COPB2: variants seen among roughly 807,000 people sequenced by gnomAD.
COPB2 encodes the protein coatomer subunit beta'.
In COPB2, 16 loss-of-function variants were observed where a neutral mutation model predicts 120.8. The ratio of observed to expected loss-of-function variants is 0.13; its 90% CI spans 0.09 to 0.20. The LOEUF is 0.20. COPB2 is among the 10% of genes least tolerant of loss of function. The probability of loss-of-function intolerance (pLI) is 1.00; values close to 1 mark genes in which losing one functional copy is unlikely to be tolerated. For missense variants in COPB2, 794 were observed against 1,076.5 expected (o/e 0.74, Z 3.67); for synonymous variants, 332 against 366.3 (o/e 0.91, Z 1.07).
chr3:139,362,341 A>G, intron 16 of COPB2, 66 bp downstream of exon 16: 1 of 1,132,104 alleles, frequency 8.8e-7, no homozygotes, highest in Non-Finnish European at 1.3e-6. Flanking sequence ...AAAACATTAC[A>G]CCAAACACAT....
rs1416747176 is a variant in COPB2, at chr3:139,359,194, T to C, written c.2304-16A>G. ...TTTCACTACCCTATTATAGACATCA[T>C]GGAACCAAAGAGAGACTAAGTAAAT... On this transcript the variant is annotated splice_polypyrimidine_tract_variant and intron_variant, in intron 18 of 21. Coordinates refer to ENST00000333188, the MANE Select transcript of COPB2 (RefSeq NM_004766.3). 6.2e-7 allele frequency: 1 copy of C among 1,612,438 alleles called. No homozygotes were observed. Among genetic ancestry groups the C allele is most frequent in the Admixed American group, 1.7e-5 (1 of 59,718 alleles).
intron 16 of COPB2, among the ~76,000 whole-genome samples, chr3:139,361,516 C>T (rs1201328493): frequency 1.3e-5 from 2 of 151,438 alleles, no homozygotes; most frequent in Non-Finnish European, 2.9e-5. Context: ...TAATGATGTG[C>T]AAATAATTAT....
intron 3 of COPB2, 26 bp from the exon 4 acceptor site, chr3:139,379,199 C>T (rs747516754): frequency 6.3e-7 from 1 of 1,580,274 alleles, no homozygotes; most frequent in South Asian, 1.2e-5. Context: ...TTAAAACCAT[C>T]ATCCCTGTTA....
intron 15 of COPB2, among the ~76,000 whole-genome samples, chr3:139,364,970 A>C (rs1393435218): frequency 6.6e-6 from 1 of 152,246 alleles, no homozygotes; most frequent in Non-Finnish European, 1.5e-5. Context: ...AAACAGAAAT[A>C]TATCATTCAT....
intron 1 of COPB2, among the ~76,000 whole-genome samples, chr3:139,384,420 C>T (rs1235125618): frequency 1.3e-5 from 2 of 152,242 alleles, no homozygotes; most frequent in East Asian, 1.9e-4. Flanking sequence ...TTTCAAAATT[C>T]GAACTTTCAC....
intron 14 of COPB2, 78 bp from the exon 15 acceptor site, chr3:139,366,853 G>T: frequency 6.6e-7 from 1 of 1,511,466 alleles, no homozygotes; most frequent in African/African-American, 1.4e-5. Flanking sequence ...TCTCCCTCTT[G>T]CTCAAAACCT....
In COPB2 at chr3:139,378,106, G is replaced by A; in HGVS notation, c.439C>T (p.Gln147Ter). ...TTATCTTTGGGGTTGATCACAATCTGCATAACATAATGGGTGTGTCCTTCA... is the reference window on the plus strand; with the variant it reads ...TTATCTTTGGGGTTGATCACAATCTACATAACATAATGGGTGTGTCCTTCA... ...VFEGHTHYVM[Q>*]IVINPKDNNQ... is the part of the protein sequence containing the mutation. Residue 147 changes from glutamine to a stop codon, truncating the protein, a stop_gained, in exon 5 of 22, where the codon CAG becomes TAG. Coordinates refer to ENST00000333188, the MANE Select transcript of COPB2 (RefSeq NM_004766.3). LOFTEE classifies it high-confidence loss of function. 2 of 1,592,880 alleles carry A rather than the reference G, an allele frequency of 1.3e-6. No homozygotes were observed. Among genetic ancestry groups the A allele is most frequent in the Non-Finnish European group, 1.7e-6 (2 of 1,164,566 alleles).
intron 5 of COPB2, 39 bp downstream of exon 5, chr3:139,378,002 A>G (rs371862913): frequency 7.4e-6 from 11 of 1,488,812 alleles, no homozygotes; most frequent in African/African-American, 1.4e-5. Flanking sequence ...AGTATAGTTC[A>G]CTAATAATGA....
intron 1 of COPB2, among the ~76,000 whole-genome samples, chr3:139,388,810 T>C (rs1941988397): frequency 7.4e-6 from 1 of 135,572 alleles, no homozygotes; most frequent in Non-Finnish European, 1.6e-5. Context: ...TTTTTTTTTT[T>C]GCATTTTCAA....
At chr3:139,376,950 C>G (rs544871759) in intron 5 of COPB2, among the ~76,000 whole-genome samples, 2 of 152,126 alleles carry the variant, frequency 1.3e-5, no homozygotes, top group African/African-American at 2.4e-5. Context: ...GGGGTTTCAC[C>G]GTGTTAGCCA....
chr3:139,372,838 T>C (rs1284420191), intron 9 of COPB2, among the ~76,000 whole-genome samples: 1 of 152,238 alleles, frequency 6.6e-6, no homozygotes, highest in Non-Finnish European at 1.5e-5. Flanking sequence ...TCAGGTTTTC[T>C]TCTTGAAAGA....
intron 1 of COPB2, among the ~76,000 whole-genome samples, chr3:139,388,685 G>A (rs1426738698): frequency 6.8e-6 from 1 of 147,476 alleles, no homozygotes; most frequent in East Asian, 2.0e-4. Flanking sequence ...GAGTGCAGTG[G>A]TGCGACCTCG....
intron 5 of COPB2, among the ~76,000 whole-genome samples, chr3:139,375,928 C>A (rs1941705304): frequency 6.6e-6 from 1 of 152,044 alleles, no homozygotes. Context: ...ATTTAATATA[C>A]AGCTCATGAA....
At chr3:139,360,471 T>TCATGCCA (rs538913934) in intron 17 of COPB2, among the ~76,000 whole-genome samples, 235 of 137,810 alleles carry the variant, frequency 1.7e-3, no homozygotes, top group Non-Finnish European at 2.8e-3. Context: ...TTAGCCGAGA[T>TCATGCCA]CATGCCACTG....
intron 7 of COPB2, 92 bp from the exon 8 acceptor site, chr3:139,373,900 C>G (rs1941670121): frequency 6.8e-7 from 1 of 1,468,808 alleles, no homozygotes; most frequent in Non-Finnish European, 9.2e-7. Context: ...TCTTTCTATT[C>G]AAACAGATAA....
At chr3:139,359,220 G>T (rs372480481) in intron 18 of COPB2, 42 bp from the exon 19 acceptor site, 1 of 1,610,404 alleles carries the variant, frequency 6.2e-7, no homozygotes, top group African/African-American at 1.3e-5. Flanking sequence ...CTAAGTAAAT[G>T]TGCTCTCTTT....
At chr3:139,387,580 C>A (rs1481588542) in intron 1 of COPB2, among the ~76,000 whole-genome samples, 3 of 152,212 alleles carry the variant, frequency 2.0e-5, no homozygotes, top group African/African-American at 4.8e-5. Flanking sequence ...CTTGTGTACA[C>A]ATCTTTTCTT....
At chr3:139,365,338 T>C (rs1253262336) in intron 15 of COPB2, among the ~76,000 whole-genome samples, 1 of 152,140 alleles carries the variant, frequency 6.6e-6, no homozygotes, top group Non-Finnish European at 1.5e-5. Flanking sequence ...CAACAATAAC[T>C]ACAAGGCAAT....
chr3:139,363,322 C>T (rs568218022), intron 15 of COPB2, among the ~76,000 whole-genome samples: 1 of 152,336 alleles, frequency 6.6e-6, no homozygotes, highest in Non-Finnish European at 1.5e-5. Context: ...ACCGCCTAAA[C>T]TCCGCCTGTA....
Sources: gnomAD v4.1 joint callset for allele counts (sites outside exome capture counted in the v4.1 genomes callset) on GRCh38, gnomAD v4.1.1 for gene constraint, MANE v1.5 for transcripts, NCBI Gene and HGNC (gene_info 2026-07-23, HGNC 2026-07-21) for gene names.